Variants in PRPF4 observed in about 807,000 individuals in gnomAD.
The protein encoded by PRPF4 is U4/U6 small nuclear ribonucleoprotein Prp4.
In PRPF4, 14 loss-of-function variants were observed where a neutral mutation model predicts 72.2. The observed-to-expected ratio is 0.19, with a 90% CI of 0.13 to 0.30. PRPF4 has a LOEUF of 0.30. Ranked by LOEUF, PRPF4 falls within the 10% of genes least tolerant of loss-of-function variation. PRPF4 has a pLI of 1.00. For missense variants in PRPF4, 478 were observed against 653.9 expected, an observed-to-expected ratio of 0.73 and a Z score of 2.93; for synonymous variants, 225 against 232.2, an observed-to-expected ratio of 0.97 and a Z score of 0.28.
At chr9:113,280,920 A>G (rs1832262255) in intron 3 of PRPF4, among the ~76,000 whole-genome samples, 1 of 151,814 alleles carries the variant, frequency 6.6e-6, no homozygotes, top group Admixed American at 6.6e-5. Flanking sequence ...AGCTCACTGC[A>G]ACCTCCACCT....
At chr9:113,285,436 T>C (rs1003226566) in intron 7 of PRPF4, among the ~76,000 whole-genome samples, 6 of 130,344 alleles carry the variant, frequency 4.6e-5, no homozygotes, top group Non-Finnish European at 4.7e-5. Context: ...TGGAGTGCAG[T>C]GGCGCGATCT....
At chr9:113,278,876 C>T in intron 2 of PRPF4, 69 bp from the exon 3 acceptor site, 1 of 1,498,756 alleles carries the variant, frequency 6.7e-7, no homozygotes, top group Non-Finnish European at 9.3e-7. Context: ...ACACAGACTG[C>T]AATTACTAGA....
intron 1 of PRPF4, among the ~76,000 whole-genome samples, chr9:113,276,314 G>T (rs539933821): frequency 2.6e-5 from 4 of 152,122 alleles, no homozygotes; most frequent in Non-Finnish European, 4.4e-5. Flanking sequence ...GAAAATACCC[G>T]AGAGAACCTC....
chr9:113,276,690 C>T lies in PRPF4; in HGVS notation c.170C>T (p.Ala57Val), dbSNP rs1279599677. ...SGILGKDGLK[A>V]GIEAGNINIT... The stretch of plus-strand genomic sequence containing the variant: ...ATTTTGGGGAAAGACGGACTTAAAG[C>T]AGGGATCGAAGCTGGAAATATTAAT... The change falls in exon 2 of 14, where the codon GCA (alanine) becomes GTA (valine). Residue 57 changes from alanine (A) to valine (V), a missense_variant. Transcript: ENST00000374198. 1.9e-6 allele frequency: 3 copies of T among 1,613,960 alleles called. 1 individual carries two copies. The Admixed American group carries it at 5.0e-5, about 27-fold the overall frequency.
rs556809682 is a variant in PRPF4 at position 113,288,711 on chromosome 9, A to T, written c.1022+447A>T. 3.9e-5 allele frequency among the ~76,000 whole-genome samples: 6 copies of T among 152,270 alleles called. No individual in the cohort carries two copies. In the East Asian group the frequency reaches 1.2e-3, roughly 29 times the overall value. On this transcript the variant is annotated intron_variant, in intron 10 of 13. Transcript: ENST00000374198. ...CTCAGCCTCCCAAAGTGCTGGGATT[A>T]TAGATAACAGGTAACGCGCCCAGCC...
At chr9:113,285,343 A>ATTTTTTTTTTTTTTTTTTTTTTTTTT (rs71367713) in intron 7 of PRPF4, among the ~76,000 whole-genome samples, 1 of 67,508 alleles carries the variant, frequency 1.5e-5, no homozygotes, top group African/African-American at 5.6e-5. Flanking sequence ...GTCTCTACAA[A>ATTTTTTTTTTTTTTTTTTTTTTTTTT]TTTTTTTTTT....
At chr9:113,275,845 G>A (rs2118576730) in intron 1 of PRPF4, 75 bp downstream of exon 1, 1 of 1,578,572 alleles carries the variant, frequency 6.3e-7, no homozygotes. Flanking sequence ...GGAAGGGGCC[G>A]TTAAGGAGCG....
At chr9:113,287,635 T>C (rs1477411132) in intron 9 of PRPF4, among the ~76,000 whole-genome samples, 1 of 152,256 alleles carries the variant, frequency 6.6e-6, no homozygotes, top group African/African-American at 2.4e-5. Flanking sequence ...CCAGACAGGG[T>C]CTCACTTAGG....
chr9:113,284,149 A>G, intron 6 of PRPF4, 146 bp from the exon 7 acceptor site: 1 of 591,412 alleles, frequency 1.7e-6, no homozygotes, highest in Non-Finnish European at 3.0e-6. Flanking sequence ...TGTGTCTTCT[A>G]ACAGCAGCAA....
At chr9:113,285,030 G>C (rs1392542032) in intron 7 of PRPF4, among the ~76,000 whole-genome samples, 4 of 151,916 alleles carry the variant, frequency 2.6e-5, no homozygotes, top group Non-Finnish European at 5.9e-5. Context: ...CTTTAGATGG[G>C]TTCAGGAGAA....
At chr9:113,277,296 T>C (rs1832138356) in intron 2 of PRPF4, among the ~76,000 whole-genome samples, 1 of 152,166 alleles carries the variant, frequency 6.6e-6, no homozygotes, top group Non-Finnish European at 1.5e-5. Context: ...AGATCTAACA[T>C]AGTTCTGGCA....
chr9:113,284,310 T>C lies in PRPF4; in HGVS notation c.670T>C (p.Cys224Arg). Residue 224 changes from cysteine to arginine, a missense_variant, in exon 7 of 14, where the codon TGC becomes CGC. Cys to Arg is a radical substitution (Grantham distance 180). Coordinates refer to ENST00000374198, the MANE Select transcript of PRPF4 (RefSeq NM_001244926.2). ...TCTTTTTAAGTCTTTGAATAATTTTTGCAGTCAGATTGGGGATGATCGGCC... is the reference window on the plus strand; with the variant it reads ...TCTTTTTAAGTCTTTGAATAATTTTCGCAGTCAGATTGGGGATGATCGGCC... ...HKSLRSLNNF[C>R]SQIGDDRPIS... 1 of 1,610,626 alleles carries C rather than the reference T, an allele frequency of 6.2e-7. No individual in the cohort carries two copies. Among genetic ancestry groups the C allele is most frequent in the Non-Finnish European group, 8.5e-7 (1 of 1,176,854 alleles).
chr9:113,279,225 T>C, intron 3 of PRPF4, 94 bp downstream of exon 3: 2 of 1,137,188 alleles, frequency 1.8e-6, no homozygotes, highest in East Asian at 5.1e-5. Context: ...TTTAATAGAA[T>C]GTCTCAAATC....
chr9:113,277,664 G>A (rs1411566645), intron 2 of PRPF4, among the ~76,000 whole-genome samples: 2 of 152,132 alleles, frequency 1.3e-5, no homozygotes, highest in South Asian at 2.1e-4. Context: ...GGGATTACAG[G>A]CGTGAGCCAC....
chr9:113,283,888 T>G (rs1420850573), intron 6 of PRPF4, among the ~76,000 whole-genome samples: 2 of 151,904 alleles, frequency 1.3e-5, no homozygotes, highest in African/African-American at 2.4e-5. Flanking sequence ...GTCAACATGG[T>G]GAAACCCTGT....
rs1207241658 is a variant in PRPF4 at position 113,291,824 on chromosome 9, A to C, written c.*164A>C. ...ATGTCAGCCCCCACTCCAGGAAGGC[A>C]GCCCAATCCCTAGGTGATGGGGAAC... On this transcript the variant is annotated 3_prime_UTR_variant, in exon 14 of 14. Coordinates refer to ENST00000374198, the MANE Select transcript of PRPF4 (RefSeq NM_001244926.2). 1 of 695,734 alleles carries C rather than the reference A, an allele frequency of 1.4e-6. No individual in the cohort carries two copies. The highest frequency in any genetic ancestry group is 2.3e-6 in the Non-Finnish European group (1 of 432,694). 43.1% of individuals were successfully genotyped at this position (695,734 alleles called of 1,614,324 possible).
intron 7 of PRPF4, among the ~76,000 whole-genome samples, 200 bp from the exon 8 acceptor site, chr9:113,286,032 C>T (rs1289250084): frequency 6.6e-6 from 1 of 152,128 alleles, no homozygotes; most frequent in East Asian, 1.9e-4. Context: ...AATTATAGTC[C>T]AGTAAAAGCC....
chr9:113,276,669 T>G lies in PRPF4; in HGVS notation c.149T>G (p.Leu50Trp). The change falls in exon 2 of 14, where the codon TTG becomes TGG. Residue 50 changes from leucine (L) to tryptophan (W), a missense_variant. Transcript: ENST00000374198. ...ERLAKGESGILGKDGLKAGIE... is the reference protein window; with the variant it reads ...ERLAKGESGIWGKDGLKAGIE... ...CTGGCCAAAGGAGAGTCTGGGATTT[T>G]GGGGAAAGACGGACTTAAAGCAGGG... The G allele has an allele frequency of 1.2e-6, 2 of 1,614,100 alleles. No homozygotes were observed. The highest frequency in any genetic ancestry group is 1.7e-6 in the Non-Finnish European group (2 of 1,179,996).
At chr9:113,275,861 A>G in intron 1 of PRPF4, 91 bp downstream of exon 1, 1 of 1,537,242 alleles carries the variant, frequency 6.5e-7, no homozygotes, top group Non-Finnish European at 8.8e-7. Flanking sequence ...GAGCGGGAGA[A>G]GGCGGTGGAG....
Sources: gnomAD v4.1 joint callset for allele counts (sites outside exome capture counted in the v4.1 genomes callset) on GRCh38, gnomAD v4.1.1 for gene constraint, MANE v1.5 for transcripts, NCBI Gene and HGNC (gene_info 2026-07-23, HGNC 2026-07-21) for gene names.